ZNF486: variants seen among roughly 807,000 people sequenced by gnomAD.
The protein encoded by ZNF486 is zinc finger protein 486, also known as KRAB box only protein 2.
Under a neutral mutation model 12.8 loss-of-function variants are expected in ZNF486, and 12 were observed. The observed-to-expected ratio is 0.94, with a 90% CI of 0.60 to 1.52. The LOEUF (loss-of-function observed/expected upper bound fraction) is 1.52, where lower values mean the gene tolerates loss of function less well. Among genes scored for constraint, ZNF486 ranks in the 40% most tolerant of loss-of-function variants. ZNF486 has a pLI of 0.00. For missense variants in ZNF486, 738 were observed against 545.0 expected (o/e 1.35, Z -3.53); for synonymous variants, 231 against 184.9 (o/e 1.25, Z -2.02).
intron 1 of ZNF486, among the ~76,000 whole-genome samples, chr19:20,177,692 A>C (rs2089735911): frequency 6.6e-6 from 1 of 152,014 alleles, no homozygotes; most frequent in African/African-American, 2.4e-5. Context: ...CTCCTGCCTT[A>C]GCCTCCCTAG....
rs1555718069 is a variant in ZNF486 at position 20,196,972 on chromosome 19, T to C, written c.262T>C (p.Ser88Pro). Reference sequence around the variant, plus strand: ...TTTATTGTTTCTTTCAGTTGTGTGTTCTCATTTTGCCCAAGACCTTTGGCC... The same window carrying C: ...TTTATTGTTTCTTTCAGTTGTGTGTCCTCATTTTGCCCAAGACCTTTGGCC... ...EMIAKPPVVC[S>P]HFAQDLWPEQ... The change falls in exon 4 of 4, where the codon TCT becomes CCT. Residue 88 changes from serine (S) to proline (P), a missense_variant. Transcript: ENST00000335117. 1 of 1,546,658 alleles carries C rather than the reference T, an allele frequency of 6.5e-7. No individual in the cohort carries two copies. Among genetic ancestry groups the C allele is most frequent in the Non-Finnish European group, 8.7e-7 (1 of 1,152,960 alleles).
At chr19:20,191,016 C>T (rs2089896754) in intron 3 of ZNF486, among the ~76,000 whole-genome samples, 2 of 152,300 alleles carry the variant, frequency 1.3e-5, no homozygotes, top group South Asian at 4.1e-4. Context: ...CTGGATCCTT[C>T]ACCTCACACT....
chr19:20,197,617 T>G lies in ZNF486; in HGVS notation c.907T>G (p.Phe303Val), dbSNP rs1311637658. The G allele has an allele frequency of 1.2e-6, 2 of 1,613,734 alleles. No individual in the cohort carries two copies. Among genetic ancestry groups the G allele is most frequent in the African/African-American group, 1.3e-5 (1 of 74,894 alleles). The change falls in exon 4 of 4, where the codon TTT (phenylalanine) becomes GTT (valine). Residue 303 changes from phenylalanine to valine, a missense_variant. Transcript: ENST00000335117. The part of the protein sequence containing the change: ...PYKCKECDKA[F>V]NHPATLSSHK... The stretch of plus-strand genomic sequence containing the variant: ...CAAATGTAAAGAATGTGACAAAGCT[T>G]TTAACCATCCTGCAACTCTTTCTTC...
intron 1 of ZNF486, among the ~76,000 whole-genome samples, chr19:20,168,100 G>C (rs2089605095): frequency 6.6e-6 from 1 of 152,124 alleles, no homozygotes; most frequent in Admixed American, 6.5e-5. Flanking sequence ...GGTGGCTCAC[G>C]CCTGTAATCC....
At chr19:20,186,187 A>T (rs1457980106) in intron 3 of ZNF486, 105 bp downstream of exon 3, 7 of 723,536 alleles carry the variant, frequency 9.7e-6, no homozygotes, top group African/African-American at 3.7e-5. Flanking sequence ...TGTGTTCCAA[A>T]GGAAATAGTT....
At chr19:20,177,113 G>A (rs541431449) in intron 1 of ZNF486, 1 of 152,180 alleles carries the variant, frequency 6.6e-6, no homozygotes, top group African/African-American at 2.4e-5. Flanking sequence ...GTGGCAAATG[G>A]GGTTCATATA....
intron 1 of ZNF486, among the ~76,000 whole-genome samples, chr19:20,168,251 T>A (rs563325139): frequency 6.6e-6 from 1 of 151,950 alleles, no homozygotes; most frequent in South Asian, 2.1e-4. Flanking sequence ...CCCAGCTACT[T>A]GGGAGGCTGA....
At chr19:20,183,564 G>C (rs2089809258) in intron 1 of ZNF486, among the ~76,000 whole-genome samples, 1 of 152,118 alleles carries the variant, frequency 6.6e-6, no homozygotes, top group Admixed American at 6.5e-5. Context: ...TTTCAACAGT[G>C]ATGCTGTGTT....
chr19:20,174,916 A>G (rs2122633396), intron 1 of ZNF486: 1 of 152,308 alleles, frequency 6.6e-6, no homozygotes, highest in South Asian at 2.1e-4. Flanking sequence ...AAGACATGTG[A>G]TGTGGCCACC....
In ZNF486 at chr19:20,182,148, T is replaced by C. The variant is rs566346920; in HGVS notation, c.31-2208T>C. ...ATTTGGTTGTGAAAAGAGTGCTAAA[T>C]GTAAGGGACCCTGTGCTGTTCCTGC... On this transcript the variant is annotated intron_variant, in intron 1 of 3. Coordinates refer to ENST00000335117, the MANE Select transcript of ZNF486 (RefSeq NM_052852.4). Among the ~76,000 whole-genome samples the C allele has an allele frequency of 1.6e-4, 24 of 152,340 alleles. No homozygotes were observed. In the South Asian group the frequency reaches 2.9e-3, roughly 18 times the overall value.
In ZNF486 at chr19:20,197,595, A is replaced by G; in HGVS notation, c.885A>G (p.Lys295=). 6.2e-7 allele frequency: 1 copy of G among 1,613,788 alleles called. No individual in the cohort carries two copies. Among genetic ancestry groups the G allele is most frequent in the Admixed American group, 1.7e-5 (1 of 59,992 alleles). The change falls in exon 4 of 4, where the codon AAA becomes AAG. Residue 295 remains lysine, a synonymous_variant. Coordinates refer to ENST00000335117, the MANE Select transcript of ZNF486 (RefSeq NM_052852.4). The part of the protein sequence containing the change: ...KIIHTGEQPY[K]CKECDKAFNH... Reference sequence around the variant, plus strand: ...TCCATACTGGAGAGCAACCCTACAAATGTAAAGAATGTGACAAAGCTTTTA... The same window carrying G: ...TCCATACTGGAGAGCAACCCTACAAGTGTAAAGAATGTGACAAAGCTTTTA...
At chr19:20,189,709 A>G (rs1202214885) in intron 3 of ZNF486, among the ~76,000 whole-genome samples, 2 of 152,068 alleles carry the variant, frequency 1.3e-5, no homozygotes, top group Non-Finnish European at 2.9e-5. Context: ...AAGAGTTTTT[A>G]TTTATTTTGA....
chr19:20,197,476 C>T lies in ZNF486; in HGVS notation c.766C>T (p.His256Tyr), dbSNP rs1555718224. ...TAAGTACTTCTCTAGCTTTACTACACATAAGAAAATTCATAGTGGAGAGAA... is the reference window on the plus strand; with the variant it reads ...TAAGTACTTCTCTAGCTTTACTACATATAAGAAAATTCATAGTGGAGAGAA... ...VFKYFSSFTT[H>Y]KKIHSGEKPY... is the part of the protein sequence containing the mutation. The change falls in exon 4 of 4, where the codon CAT becomes TAT. Residue 256 changes from histidine (H) to tyrosine (Y), a missense_variant. Coordinates refer to ENST00000335117, the MANE Select transcript of ZNF486 (RefSeq NM_052852.4). 1.2e-6 allele frequency: 2 copies of T among 1,609,054 alleles called. No homozygotes were observed. The highest frequency in any genetic ancestry group is 1.7e-6 in the Non-Finnish European group (2 of 1,177,210).
chr19:20,195,515 G>T (rs1423433813), intron 3 of ZNF486, among the ~76,000 whole-genome samples: 1 of 152,100 alleles, frequency 6.6e-6, no homozygotes, highest in African/African-American at 2.4e-5. Flanking sequence ...TACTTTTTAT[G>T]GTTGCTTTTG....
intron 3 of ZNF486, among the ~76,000 whole-genome samples, chr19:20,191,489 G>T (rs970346579): frequency 6.7e-6 from 1 of 149,510 alleles, no homozygotes; most frequent in East Asian, 2.0e-4. Context: ...TATGCACTCG[G>T]CTGGGGGCGG....
intron 1 of ZNF486, among the ~76,000 whole-genome samples, chr19:20,179,977 G>GA (rs2089766371): frequency 6.6e-6 from 1 of 152,196 alleles, no homozygotes; most frequent in Non-Finnish European, 1.5e-5. Flanking sequence ...CCAAGAGCTA[G>GA]CAAATCAGGA....
chr19:20,197,173 C>A lies in ZNF486; in HGVS notation c.463C>A (p.Gln155Lys). Residue 155 changes from glutamine (Q) to lysine (K), a missense_variant, in exon 4 of 4, where the codon CAA becomes AAA. Gln to Lys is a moderately conservative substitution (Grantham distance 53). Transcript: ENST00000335117. ...CLTTTQSKIF[Q>K]CGKYVKVFHQ... is the part of the protein sequence containing the mutation. ...GACAACTACCCAGAGCAAAATATTT[C>A]AATGTGGTAAATATGTGAAAGTCTT... 6 of 1,613,680 alleles carry A rather than the reference C, an allele frequency of 3.7e-6. No homozygotes were observed. Among genetic ancestry groups the A allele is most frequent in the Non-Finnish European group, 5.1e-6 (6 of 1,179,894 alleles).
In ZNF486 at chr19:20,198,286, A is replaced by G. The variant is rs1555718448; in HGVS notation, c.*184A>G. Reference sequence around the variant, plus strand: ...ACCTGGCTAATTTTGTATTTTTAGTAGAGATGGGGTTTCTCCATGTTGGTC... The same window carrying G: ...ACCTGGCTAATTTTGTATTTTTAGTGGAGATGGGGTTTCTCCATGTTGGTC... On this transcript the variant is annotated 3_prime_UTR_variant, in exon 4 of 4. Transcript: ENST00000335117. 9 of 584,236 alleles carry G rather than the reference A, an allele frequency of 1.5e-5. No individual in the cohort carries two copies. The highest frequency in any genetic ancestry group is 2.7e-5 in the Non-Finnish European group (9 of 333,704). 36.2% of individuals were successfully genotyped at this position (584,236 alleles called of 1,614,324 possible). A position where few individuals can be genotyped will look rare whatever the true frequency, so the allele number is the denominator to read the frequency against.
rs142966076 is a variant in ZNF486, at chr19:20,184,896, G to GA, written c.157+416dup. Among the ~76,000 whole-genome samples the GA allele has an allele frequency of 2.8e-4, 42 of 152,240 alleles. No homozygotes were observed. In the East Asian group the frequency reaches 7.7e-3, roughly 28 times the overall value. On this transcript the variant is annotated intron_variant, in intron 2 of 3. Coordinates refer to ENST00000335117, the MANE Select transcript of ZNF486 (RefSeq NM_052852.4). ...GGAGGCTGAGACGGGCAGATCACCT[G>GA]AAGTTGGGAGTTTGAGACCAGCCTG...
Sources: allele counts gnomAD v4.1 joint callset (sites outside exome capture counted in the v4.1 genomes callset), GRCh38; gene constraint gnomAD v4.1.1; transcripts MANE v1.5; gene names NCBI Gene and HGNC (gene_info 2026-07-23, HGNC 2026-07-21).